The following SLC35F1 variants were observed in gnomAD, a reference collection of about 807,000 sequenced individuals.
SLC35F1 encodes solute carrier family 35 member F1.
Under a neutral mutation model 48.7 loss-of-function variants are expected in SLC35F1, and 14 were observed. The ratio of observed to expected loss-of-function variants is 0.29; its 90% CI spans 0.19 to 0.45. The LOEUF (loss-of-function observed/expected upper bound fraction) is 0.45. Ranked by LOEUF, SLC35F1 falls within the 20% of genes least tolerant of loss-of-function variation. The probability of loss-of-function intolerance (pLI) is 1.00; values close to 1 mark genes in which losing one functional copy is unlikely to be tolerated. For synonymous variants in SLC35F1, 190 were observed against 202.2 expected (o/e 0.94, Z 0.51); for missense variants, 404 against 500.0 (o/e 0.81, Z 1.83).
intron 1 of SLC35F1, among the ~76,000 whole-genome samples, chr6:117,910,169 G>A (rs548809829): frequency 1.1e-3 from 164 of 152,190 alleles, no homozygotes; most frequent in Non-Finnish European, 1.6e-3. Flanking sequence ...CTTGGCTTTT[G>A]TGCCATAATT....
At chr6:117,962,595 CT>C (rs1776512749) in intron 1 of SLC35F1, among the ~76,000 whole-genome samples, 1 of 152,068 alleles carries the variant, frequency 6.6e-6, no homozygotes, top group South Asian at 2.1e-4. Context: ...GCAAACAAAG[CT>C]TGGATGAAAA....
intron 3 of SLC35F1, among the ~76,000 whole-genome samples, chr6:118,243,977 A>T (rs1004901304): frequency 1.1e-4 from 17 of 152,220 alleles, no homozygotes; most frequent in African/African-American, 4.1e-4. Flanking sequence ...TCTCTTTCAG[A>T]GTTCTTAGAT....
chr6:118,021,477 C>T (rs138897227), intron 1 of SLC35F1, among the ~76,000 whole-genome samples: 52 of 152,246 alleles, frequency 3.4e-4, no homozygotes, highest in African/African-American at 1.2e-3. Flanking sequence ...GTAGCACAGG[C>T]TTGTTCTTGG....
At chr6:118,273,257 T>G (rs1487436858) in intron 4 of SLC35F1, among the ~76,000 whole-genome samples, 1 of 152,186 alleles carries the variant, frequency 6.6e-6, no homozygotes, top group East Asian at 1.9e-4. Flanking sequence ...TGAAAAATAT[T>G]GGTGAGACTA....
intron 1 of SLC35F1, among the ~76,000 whole-genome samples, chr6:118,139,486 C>G (rs977991767): frequency 6.6e-6 from 1 of 152,132 alleles, no homozygotes; most frequent in African/African-American, 2.4e-5. Flanking sequence ...ATGGAGTAGA[C>G]ATGCAGAACT....
At chr6:118,169,238 T>G (rs1774364423) in intron 2 of SLC35F1, among the ~76,000 whole-genome samples, 1 of 152,198 alleles carries the variant, frequency 6.6e-6, no homozygotes, top group Non-Finnish European at 1.5e-5. Context: ...GAAGAAAACA[T>G]TATTGTGTCC....
intron 3 of SLC35F1, among the ~76,000 whole-genome samples, chr6:118,265,407 T>C (rs1775759590): frequency 6.6e-6 from 1 of 152,162 alleles, no homozygotes; most frequent in African/African-American, 2.4e-5. Context: ...ACTATTACAA[T>C]TGGAACTACA....
intron 1 of SLC35F1, among the ~76,000 whole-genome samples, chr6:117,930,868 A>G (rs146923031): frequency 1.2e-3 from 190 of 152,298 alleles, no homozygotes; most frequent in African/African-American, 4.4e-3. Context: ...AACCCATTGT[A>G]TGCAGCACTA....
At chr6:117,910,070 T>C (rs2114792457) in intron 1 of SLC35F1, among the ~76,000 whole-genome samples, 1 of 152,348 alleles carries the variant, frequency 6.6e-6, no homozygotes, top group East Asian at 1.9e-4. Context: ...ACTCTTTGTT[T>C]CAAGAAAGAA....
At chr6:117,986,470 G>A in intron 1 of SLC35F1, among the ~76,000 whole-genome samples, 1 of 152,148 alleles carries the variant, frequency 6.6e-6, no homozygotes, top group East Asian at 1.9e-4. Flanking sequence ...TATAGTTTTA[G>A]GTTTTTATAT....
At chr6:118,118,235 T>C (rs1364254137) in intron 1 of SLC35F1, among the ~76,000 whole-genome samples, 2 of 152,228 alleles carry the variant, frequency 1.3e-5, no homozygotes, top group Non-Finnish European at 2.9e-5. Context: ...ATACTCACTG[T>C]CATCAGTCTT....
intron 1 of SLC35F1, among the ~76,000 whole-genome samples, chr6:117,944,032 T>A (rs1776264682): frequency 1.3e-5 from 2 of 152,188 alleles, no homozygotes; most frequent in South Asian, 4.1e-4. Flanking sequence ...TTTGCAAGTG[T>A]GAAAAAAAGC....
At chr6:117,997,115 T>G (rs1777005427) in intron 1 of SLC35F1, among the ~76,000 whole-genome samples, 1 of 151,994 alleles carries the variant, frequency 6.6e-6, no homozygotes. Context: ...GCTCGAGAAC[T>G]ACGTGAAGAA....
At chr6:118,259,096 A>T (rs190172161) in intron 3 of SLC35F1, among the ~76,000 whole-genome samples, 1 of 151,772 alleles carries the variant, frequency 6.6e-6, no homozygotes, top group Non-Finnish European at 1.5e-5. Flanking sequence ...ATATATAAAG[A>T]TATTTTATAT....
chr6:117,922,556 T>G (rs80258994), intron 1 of SLC35F1, among the ~76,000 whole-genome samples: 36 of 152,298 alleles, frequency 2.4e-4, no homozygotes, highest in African/African-American at 8.7e-4. Flanking sequence ...GCTACATCGT[T>G]AAGTATATTT....
chr6:118,205,097 G>A (rs140451072), intron 2 of SLC35F1, among the ~76,000 whole-genome samples: 2 of 152,298 alleles, frequency 1.3e-5, no homozygotes, highest in Non-Finnish European at 2.9e-5. Context: ...CTTCTCTCCT[G>A]ATGCAGCTCT....
intron 1 of SLC35F1, among the ~76,000 whole-genome samples, chr6:118,129,351 G>T (rs1005667563): frequency 1.3e-5 from 2 of 152,152 alleles, no homozygotes; most frequent in Admixed American, 6.6e-5. Context: ...TAAAGATCCA[G>T]GTGCAGAAAG....
intron 2 of SLC35F1, among the ~76,000 whole-genome samples, chr6:118,217,484 A>G (rs1775090657): frequency 6.6e-6 from 1 of 152,112 alleles, no homozygotes; most frequent in African/African-American, 2.4e-5. Context: ...GTAAGTGGGG[A>G]ATATTGTTTA....
intron 2 of SLC35F1, among the ~76,000 whole-genome samples, chr6:118,172,445 C>A (rs941903692): frequency 6.6e-5 from 10 of 152,194 alleles, no homozygotes; most frequent in Admixed American, 2.0e-4. Flanking sequence ...ATGAAGTGAA[C>A]TTAATATATA....
Sources: gnomAD v4.1 joint callset for allele counts (sites outside exome capture counted in the v4.1 genomes callset) on GRCh38, gnomAD v4.1.1 for gene constraint, MANE v1.5 for transcripts, NCBI Gene and HGNC (gene_info 2026-07-23, HGNC 2026-07-21) for gene names.